ADAM10: variants seen among roughly 807,000 people sequenced by gnomAD.
ADAM10 encodes ADAM metallopeptidase domain 10.
In ADAM10, 17 loss-of-function variants were observed where a neutral mutation model predicts 90.1. That is an observed-to-expected ratio of 0.19 (90% confidence interval 0.13 to 0.28). The LOEUF is 0.28. Among genes scored for constraint, ADAM10 ranks in the 10% least tolerant of loss-of-function variants. The pLI is 1.00. For missense variants in ADAM10, 610 were observed against 914.3 expected (o/e 0.67, Z 4.29); for synonymous variants, 310 against 298.6 (o/e 1.04, Z -0.40).
chr15:58,708,773 T>C (rs551173859), intron 2 of ADAM10, among the ~76,000 whole-genome samples: 1 of 152,208 alleles, frequency 6.6e-6, no homozygotes, highest in Non-Finnish European at 1.5e-5. Context: ...TGGTTCAATA[T>C]AGACTATTTT....
intron 2 of ADAM10, among the ~76,000 whole-genome samples, chr15:58,714,271 T>A (rs1387894184): frequency 7.0e-6 from 1 of 143,306 alleles, no homozygotes; most frequent in Non-Finnish European, 1.5e-5. Context: ...AAAAAATTAC[T>A]TTAATACTTA....
chr15:58,657,892 T>TG (rs1430887838), intron 5 of ADAM10, among the ~76,000 whole-genome samples: 5 of 151,590 alleles, frequency 3.3e-5, no homozygotes, highest in Non-Finnish European at 7.4e-5. Flanking sequence ...GTTTGTGTTT[T>TG]TTTTTTTTTC....
chr15:58,599,162 A>G (rs1294131706), intron 15 of ADAM10, among the ~76,000 whole-genome samples: 1 of 144,408 alleles, frequency 6.9e-6, no homozygotes, highest in Non-Finnish European at 1.5e-5. Flanking sequence ...GAAAAAAGAA[A>G]AAGAAGGAAG....
intron 1 of ADAM10, among the ~76,000 whole-genome samples, chr15:58,727,706 G>A (rs1348130036): frequency 1.3e-5 from 2 of 152,052 alleles, no homozygotes; most frequent in Admixed American, 6.6e-5. Flanking sequence ...AAGTAAAAAG[G>A]ACGGGAAAAT....
At chr15:58,643,048 T>C (rs16940647) in intron 7 of ADAM10, among the ~76,000 whole-genome samples, 43,343 of 151,918 alleles carry the variant, frequency 0.29, 8,617 homozygotes, top group African/African-American at 0.56. Context: ...CTGTGGCAAA[T>C]ACTTTTGTGA....
chr15:58,682,946 G>C (rs546115719), intron 2 of ADAM10, among the ~76,000 whole-genome samples: 1 of 152,132 alleles, frequency 6.6e-6, no homozygotes, highest in African/African-American at 2.4e-5. Context: ...AAATACTAAA[G>C]TAAAATTAAT....
intron 5 of ADAM10, among the ~76,000 whole-genome samples, chr15:58,649,097 A>G (rs150947139): frequency 6.2e-4 from 94 of 152,136 alleles, no homozygotes; most frequent in African/African-American, 2.2e-3. Flanking sequence ...TAAATCTCCA[A>G]TTTTATTATC....
rs142463925 is a variant in ADAM10 at position 58,710,801 on chromosome 15, C to T, written c.206+6776G>A. Among the ~76,000 whole-genome samples the T allele has an allele frequency of 3.8e-3, 577 of 152,304 alleles. 3 individuals carry two copies. Among genetic ancestry groups the T allele is most frequent in the African/African-American group, 0.013 (523 of 41,574 alleles). On this transcript the variant is annotated intron_variant, in intron 2 of 15. Coordinates refer to ENST00000260408, the MANE Select transcript of ADAM10 (RefSeq NM_001110.4). ...TTATTCCCTAGCTCTTCTCTATGAT[C>T]AGGCATTCATTTGTGTTCCCTAGAT... is the stretch of plus-strand genomic sequence containing the variant.
intron 2 of ADAM10, among the ~76,000 whole-genome samples, chr15:58,683,108 C>T (rs1036938599): frequency 9.2e-5 from 14 of 151,804 alleles, no homozygotes; most frequent in Admixed American, 2.6e-4. Flanking sequence ...GATTTTATAA[C>T]GTATATAAAG....
At chr15:58,681,930 CT>C (rs769779564) in intron 3 of ADAM10, among the ~76,000 whole-genome samples, 1 of 152,094 alleles carries the variant, frequency 6.6e-6, no homozygotes, top group Non-Finnish European at 1.5e-5. Flanking sequence ...GTCGTTAAAA[CT>C]TTTGAAAACT....
In ADAM10 at chr15:58,655,706, ATATAG is replaced by A. The variant is rs1339003750; in HGVS notation, c.585+9386_585+9390del. 3.2e-4 allele frequency among the ~76,000 whole-genome samples: 18 copies of A among 56,844 alleles called. 1 individual carries two copies. Among genetic ancestry groups the A allele is most frequent in the Non-Finnish European group, 4.3e-4 (16 of 36,852 alleles). 37.3% of individuals were successfully genotyped at this position (56,844 alleles called of 152,430 possible). A position where few individuals can be genotyped will look rare whatever the true frequency, so the allele number is the denominator to read the frequency against. ...TATATATTATATATAGTATATATAT[ATATAG>A]TATATATATATATATATATATATAT... On this transcript the variant is annotated intron_variant, in intron 5 of 15. Coordinates refer to ENST00000260408, the MANE Select transcript of ADAM10 (RefSeq NM_001110.4).
At chr15:58,720,932 C>T (rs2140821722) in intron 1 of ADAM10, among the ~76,000 whole-genome samples, 1 of 152,286 alleles carries the variant, frequency 6.6e-6, no homozygotes, top group African/African-American at 2.4e-5. Context: ...ACAAGCTTGG[C>T]TTTGCAGAAC....
chr15:58,698,548 C>T (rs1898043981), intron 2 of ADAM10: 1 of 154,550 alleles, frequency 6.5e-6, no homozygotes, highest in African/African-American at 2.5e-5. Flanking sequence ...TGTACTCTAG[C>T]CTGGGCAACA....
chr15:58,737,667 C>A lies in ADAM10; in HGVS notation c.55+11813G>T, dbSNP rs79298553. On this transcript the variant is annotated intron_variant, in intron 1 of 15. Coordinates refer to ENST00000260408, the MANE Select transcript of ADAM10 (RefSeq NM_001110.4). ...CAGTGCCTGGCATTAAGTACCCCAA[C>A]AAATGCCAGCCATTGTGATTTTTTT... is the stretch of plus-strand genomic sequence containing the variant. Among the ~76,000 whole-genome samples, 976 of 152,296 alleles carry A rather than the reference C, an allele frequency of 6.4e-3. 1 individual carries two copies. Among genetic ancestry groups the A allele is most frequent in the Non-Finnish European group, 0.011 (761 of 68,006 alleles).
At chr15:58,686,444 T>C in intron 2 of ADAM10, 2 of 1,381,328 alleles carry the variant, frequency 1.4e-6, no homozygotes, top group Non-Finnish European at 1.0e-6. Flanking sequence ...CGCCCTGCAG[T>C]GCCTGGTGGA....
intron 14 of ADAM10, among the ~76,000 whole-genome samples, chr15:58,602,775 T>C (rs1403267391): frequency 6.6e-6 from 1 of 152,210 alleles, no homozygotes; most frequent in Non-Finnish European, 1.5e-5. Flanking sequence ...TTTATTTTCA[T>C]GTTTATTGTT....
chr15:58,601,685 G>A (rs1163696041), intron 14 of ADAM10, among the ~76,000 whole-genome samples: 1 of 152,084 alleles, frequency 6.6e-6, no homozygotes, highest in Non-Finnish European at 1.5e-5. Context: ...TTTGCCATTT[G>A]TCCCAATACT....
intron 10 of ADAM10, among the ~76,000 whole-genome samples, chr15:58,627,288 G>A (rs1414600634): frequency 6.6e-6 from 1 of 152,098 alleles, no homozygotes; most frequent in Non-Finnish European, 1.5e-5. Flanking sequence ...GATTGGGAAG[G>A]GTGATAAAAG....
chr15:58,648,839 G>A (rs1276316430), intron 5 of ADAM10, among the ~76,000 whole-genome samples: 1 of 151,926 alleles, frequency 6.6e-6, no homozygotes, highest in Non-Finnish European at 1.5e-5. Context: ...ATCTATTTTA[G>A]TAATGCTTTT....
Sources: gnomAD v4.1 joint callset for allele counts (sites outside exome capture counted in the v4.1 genomes callset) on GRCh38, gnomAD v4.1.1 for gene constraint, MANE v1.5 for transcripts, NCBI Gene and HGNC (gene_info 2026-07-23, HGNC 2026-07-21) for gene names.